The following DLGAP1 variants were observed in gnomAD, a reference collection of about 807,000 sequenced individuals.
DLGAP1 encodes the protein disks large-associated protein 1.
DLGAP1 carries 11 observed loss-of-function variants against 90.8 expected under a neutral mutation model. The observed-to-expected ratio is 0.12, with a 90% confidence interval of 0.08 to 0.20. The LOEUF (loss-of-function observed/expected upper bound fraction) is 0.20. Ranked by LOEUF, DLGAP1 falls within the 10% of genes least tolerant of loss-of-function variation. The pLI, the probability that DLGAP1 is intolerant of heterozygous loss-of-function variation, is 1.00. For missense variants in DLGAP1, 1,050 were observed against 1,333.8 expected, an observed-to-expected ratio of 0.79 and a Z score of 3.31; for synonymous variants, 558 against 540.7, an observed-to-expected ratio of 1.03 and a Z score of -0.44.
chr18:3,613,245 A>C (rs2057714146), intron 7 of DLGAP1, among the ~76,000 whole-genome samples: 1 of 152,234 alleles, frequency 6.6e-6, no homozygotes, highest in Admixed American at 6.5e-5. Flanking sequence ...TCACTTCATA[A>C]GTAATATTAG....
At chr18:3,728,154 T>G (rs1276768392) in intron 7 of DLGAP1, among the ~76,000 whole-genome samples, 4 of 152,040 alleles carry the variant, frequency 2.6e-5, no homozygotes, top group Non-Finnish European at 5.9e-5. Flanking sequence ...GACACAGGCT[T>G]TTCTTTCCAA....
chr18:3,953,483 CTCCA>C (rs1347421461), intron 3 of DLGAP1, among the ~76,000 whole-genome samples: 5 of 152,304 alleles, frequency 3.3e-5, no homozygotes, highest in Admixed American at 3.3e-4. Context: ...TGGCCCCCAG[CTCCA>C]TCCATGTTGC....
chr18:3,749,205 A>C (rs1057067213), intron 5 of DLGAP1, among the ~76,000 whole-genome samples: 4 of 134,880 alleles, frequency 3.0e-5, no homozygotes, highest in African/African-American at 1.1e-4. Flanking sequence ...GCTGGAGTGC[A>C]GTGGTGCAAT....
intron 3 of DLGAP1, among the ~76,000 whole-genome samples, chr18:3,939,493 AAAAC>A (rs901139961): frequency 2.6e-5 from 4 of 152,114 alleles, no homozygotes; most frequent in South Asian, 2.1e-4. Context: ...CAAAAACCAA[AAAAC>A]AAACAAACAA....
chr18:4,334,692 C>T (rs1340072318), intron 1 of DLGAP1, among the ~76,000 whole-genome samples: 1 of 151,856 alleles, frequency 6.6e-6, no homozygotes, highest in African/African-American at 2.4e-5. Context: ...CTTCTTAGGG[C>T]AGGGTGGGAA....
At chr18:3,570,098 G>T (rs968527641) in intron 8 of DLGAP1, among the ~76,000 whole-genome samples, 1 of 151,910 alleles carries the variant, frequency 6.6e-6, no homozygotes, top group Non-Finnish European at 1.5e-5. Context: ...TAGCCCAAGT[G>T]GGTAGTATGC....
intron 4 of DLGAP1, among the ~76,000 whole-genome samples, chr18:3,817,215 A>C (rs1329532692): frequency 6.6e-6 from 1 of 152,246 alleles, no homozygotes; most frequent in East Asian, 1.9e-4. Flanking sequence ...GACTAATGAC[A>C]AACTGATTAG....
intron 3 of DLGAP1, among the ~76,000 whole-genome samples, chr18:3,909,650 G>A (rs2071989829): frequency 6.6e-6 from 1 of 152,054 alleles, no homozygotes; most frequent in African/African-American, 2.4e-5. Context: ...CAAATAAATA[G>A]TGCAACAGTC....
intron 8 of DLGAP1, among the ~76,000 whole-genome samples, chr18:3,569,381 GT>G (rs1474417547): frequency 1.3e-5 from 2 of 152,000 alleles, no homozygotes; most frequent in Non-Finnish European, 2.9e-5. Flanking sequence ...TAATTAGGCT[GT>G]TTTTTATTTT....
chr18:4,286,081 T>C (rs1230808766), intron 1 of DLGAP1, among the ~76,000 whole-genome samples: 2 of 152,196 alleles, frequency 1.3e-5, no homozygotes, highest in Non-Finnish European at 2.9e-5. Context: ...CAACAGCTTA[T>C]GTCTCTTCCT....
At chr18:3,809,380 TC>T (rs2066719582) in intron 5 of DLGAP1, among the ~76,000 whole-genome samples, 1 of 152,222 alleles carries the variant, frequency 6.6e-6, no homozygotes, top group Non-Finnish European at 1.5e-5. Flanking sequence ...TTTAAATTTT[TC>T]CAATTTATCT....
chr18:3,942,836 A>AT (rs890568490), intron 3 of DLGAP1, among the ~76,000 whole-genome samples: 24 of 152,058 alleles, frequency 1.6e-4, no homozygotes, highest in East Asian at 5.8e-4. Flanking sequence ...ATGAAGATGC[A>AT]TTTTTTTTCT....
At chr18:4,333,623 A>AATTTT (rs1568519809) in intron 1 of DLGAP1, among the ~76,000 whole-genome samples, 1 of 141,106 alleles carries the variant, frequency 7.1e-6, no homozygotes, top group South Asian at 2.2e-4. Flanking sequence ...TATATATATA[A>AATTTT]TTTTTTTTTT....
At chr18:4,056,408 G>A (rs952434745) in intron 2 of DLGAP1, among the ~76,000 whole-genome samples, 14 of 152,120 alleles carry the variant, frequency 9.2e-5, no homozygotes, top group African/African-American at 2.7e-4. Flanking sequence ...ACATAAATGT[G>A]GTAGATTCAG....
chr18:3,961,663 A>G (rs541312186), intron 3 of DLGAP1, among the ~76,000 whole-genome samples: 1 of 152,190 alleles, frequency 6.6e-6, no homozygotes, highest in Non-Finnish European at 1.5e-5. Context: ...GCACACACTG[A>G]TGCCTGGTCA....
At chr18:3,872,899 A>T (rs1426751449) in intron 4 of DLGAP1, among the ~76,000 whole-genome samples, 1 of 152,186 alleles carries the variant, frequency 6.6e-6, no homozygotes, top group African/African-American at 2.4e-5. Context: ...ACTCTTTGCT[A>T]ACTAATGCTA....
intron 4 of DLGAP1, among the ~76,000 whole-genome samples, chr18:3,816,263 A>G (rs2067101143): frequency 6.6e-6 from 1 of 152,224 alleles, no homozygotes. Flanking sequence ...GATCAAAATT[A>G]TATTAATCAA....
At chr18:3,638,269 G>A (rs12326665) in intron 7 of DLGAP1, among the ~76,000 whole-genome samples, 51,193 of 142,962 alleles carry the variant, frequency 0.36, 9,905 homozygotes, top group East Asian at 0.79. Flanking sequence ...TTTTTTTGAG[G>A]CAGTGTTTCA....
chr18:4,031,776 A>C (rs2074800373), intron 2 of DLGAP1, among the ~76,000 whole-genome samples: 2 of 152,258 alleles, frequency 1.3e-5, no homozygotes, highest in Non-Finnish European at 2.9e-5. Flanking sequence ...AAGGAAACTA[A>C]CATTTTCAAG....
Sources: allele counts gnomAD v4.1 joint callset (sites outside exome capture counted in the v4.1 genomes callset), GRCh38; gene constraint gnomAD v4.1.1; transcripts MANE v1.5; gene names NCBI Gene and HGNC (gene_info 2026-07-23, HGNC 2026-07-21).